Variants in BRD2 observed in about 807,000 individuals in gnomAD.
BRD2 encodes the protein bromodomain containing 2.
Under a neutral mutation model 79.1 loss-of-function variants are expected in BRD2, and 15 were observed. That is an observed-to-expected ratio of 0.19 (90% CI 0.13 to 0.29). The LOEUF is 0.29. BRD2 is among the 10% of genes least tolerant of loss of function. The pLI is 1.00. For missense variants in BRD2, 1,053 were observed against 991.3 expected (o/e 1.06, Z -0.84); for synonymous variants, 488 against 358.6 (o/e 1.36, Z -4.08).
intron 8 of BRD2, 50 bp from the exon 9 acceptor site, chr6:32,977,707 A>ATG: frequency 6.2e-7 from 1 of 1,609,514 alleles, no homozygotes; most frequent in Non-Finnish European, 8.5e-7. Flanking sequence ...GTGGCTGGGT[A>ATG]TGTAGGGCAC....
At position 32,980,837 on chromosome 6, in the gene BRD2, C is replaced by T. The variant is rs1029538785; in HGVS notation, c.*119C>T. 2.4e-6 allele frequency: 3 copies of T among 1,252,926 alleles called. No homozygotes were observed. Among genetic ancestry groups the T allele is most frequent in the African/African-American group, 3.0e-5 (2 of 66,894 alleles). The allele number at this position is 1,252,926 out of a possible 1,614,324, so 77.6% of individuals were successfully genotyped here. The stretch of plus-strand genomic sequence containing the variant: ...CTTCATCTCACCCCCCCCCGCCCCC[C>T]TCTAGGAGAGCTGGCTCTGCAGTGG... On this transcript the variant is annotated 3_prime_UTR_variant, in exon 13 of 13. Coordinates refer to ENST00000374825, the MANE Select transcript of BRD2 (RefSeq NM_005104.4).
chr6:32,980,442 T>C lies in BRD2; in HGVS notation c.2247T>C (p.Ser749=), dbSNP rs774660591. ...AAGATGTCAGCGGACAGCTCAATTC[T>C]ACTAAAAAGCCCCCCAAGAAAGGTG... ...RLQDVSGQLN[S]TKKPPKKANE... is the part of the protein sequence containing the mutation. Residue 749 remains serine, a synonymous_variant, in exon 12 of 13, where the codon TCT becomes TCC. Coordinates refer to ENST00000374825, the MANE Select transcript of BRD2 (RefSeq NM_005104.4). 5.6e-6 allele frequency: 9 copies of C among 1,612,964 alleles called. No individual in the cohort carries two copies. Among genetic ancestry groups the C allele is most frequent in the Non-Finnish European group, 7.6e-6 (9 of 1,180,038 alleles).
intron 6 of BRD2, 30 bp from the exon 7 acceptor site, chr6:32,976,532 A>G (rs1448715476): frequency 1.3e-6 from 2 of 1,593,290 alleles, no homozygotes; most frequent in South Asian, 1.1e-5. Flanking sequence ...GCTTGGAGTG[A>G]CAGGTTCCCT....
At position 32,980,730 on chromosome 6, in the gene BRD2, A is replaced by C. The variant is rs973448897; in HGVS notation, c.*12A>C. ...CAGACTCAGGCTAAGGGGTCAGGCC[A>C]GATGGGGCAGGAAGGCTCCGCAGGA... On this transcript the variant is annotated 3_prime_UTR_variant, in exon 13 of 13. Coordinates refer to ENST00000374825, the MANE Select transcript of BRD2 (RefSeq NM_005104.4). The C allele has an allele frequency of 2.5e-6, 4 of 1,612,166 alleles. No homozygotes were observed. The African/African-American group carries it at 4.0e-5, about 16-fold the overall frequency.
At position 32,974,603 on chromosome 6, in the gene BRD2, C is replaced by A. The variant is rs767109720; in HGVS notation, c.171C>A (p.Thr57=). 1.9e-6 allele frequency: 3 copies of A among 1,614,196 alleles called. No individual in the cohort carries two copies. The highest frequency in any genetic ancestry group is 2.5e-6 in the Non-Finnish European group (3 of 1,180,032). Residue 57 remains threonine, a synonymous_variant, in exon 3 of 13, where the codon ACC becomes ACA. Transcript: ENST00000374825. ...CTTCGGTGCCTGCTTTGCAACTTAC[C>A]CCTGCCAACCCACCACCCCCGGAGG... ...TMASVPALQL[T]PANPPPPEVS... is the part of the protein sequence containing the mutation.
rs867670966 is a variant in BRD2, at chr6:32,978,020, T to C, written c.1578+15T>C. The C allele has an allele frequency of 8.7e-6, 14 of 1,607,274 alleles. 1 individual carries two copies. The Middle Eastern group carries it at 1.7e-3, about 190-fold the overall frequency. On this transcript the variant is annotated intron_variant, in intron 9 of 12. Transcript: ENST00000374825. Reference sequence around the variant, plus strand: ...TACAGGAACAGGTATTTTGTCACTCTTGAAAGTTTTTATTGGGTAAGAGGT... The same window carrying C: ...TACAGGAACAGGTATTTTGTCACTCCTGAAAGTTTTTATTGGGTAAGAGGT...
chr6:32,977,366 C>A, intron 7 of BRD2, 76 bp from the exon 8 acceptor site: 2 of 1,611,430 alleles, frequency 1.2e-6, no homozygotes, highest in East Asian at 4.5e-5. Flanking sequence ...GAGGGCTCTT[C>A]TTGTGGTGTC....
intron 1 of BRD2, chr6:32,970,624 A>C (rs999621283): frequency 3.3e-5 from 5 of 151,948 alleles, no homozygotes; most frequent in Non-Finnish European, 7.4e-5. Flanking sequence ...GAAACGGGGG[A>C]GGGGACGCCC....
At position 32,981,018 on chromosome 6, in the gene BRD2, C is replaced by G. The variant is rs1017862573; in HGVS notation, c.*300C>G. The G allele has an allele frequency of 7.2e-6, 3 of 416,192 alleles. No homozygotes were observed. Among genetic ancestry groups the G allele is most frequent in the Non-Finnish European group, 1.3e-5 (3 of 224,540 alleles). The allele number at this position is 416,192 out of a possible 1,614,324, so 25.8% of individuals were successfully genotyped here. On this transcript the variant is annotated 3_prime_UTR_variant, in exon 13 of 13. Transcript: ENST00000374825. ...GTGCAAAGCCCTGATCTGGAGTTAC[C>G]TGAGGCCACAGCTGCCCTATTCACT...
In BRD2 at chr6:32,979,870, T is replaced by C; in HGVS notation, c.1884T>C (p.Pro628=). 1 of 1,612,998 alleles carries C rather than the reference T, an allele frequency of 6.2e-7. No individual in the cohort carries two copies. The highest frequency in any genetic ancestry group is 8.5e-7 in the Non-Finnish European group (1 of 1,179,964). The change falls in exon 11 of 13, where the codon CCT becomes CCC. Residue 628 remains proline, a synonymous_variant. Coordinates refer to ENST00000374825, the MANE Select transcript of BRD2 (RefSeq NM_005104.4). ...CAAAGACAGCCCCACCTGCCCTGCC[T>C]ACAGGTTATGATTCAGAGGAGGAGG... is the stretch of plus-strand genomic sequence containing the variant. ...KATKTAPPAL[P]TGYDSEEEEE...
rs745565457 is a variant in BRD2, at chr6:32,976,552, C to T, written c.826-10C>T. 1.9e-6 allele frequency: 3 copies of T among 1,591,158 alleles called. No individual in the cohort carries two copies. Among genetic ancestry groups the T allele is most frequent in the East Asian group, 4.5e-5 (2 of 44,562 alleles). On this transcript the variant is annotated splice_polypyrimidine_tract_variant and intron_variant, in intron 6 of 12. Transcript: ENST00000374825. The stretch of plus-strand genomic sequence containing the variant: ...GAGTGACAGGTTCCCTATCTTGTTT[C>T]TTTCTGCAGAAAAAAGGCGTAAAGC...
In BRD2 at chr6:32,974,608, C is replaced by T. The variant is rs1204585250; in HGVS notation, c.176C>T (p.Ala59Val). ...GTGCCTGCTTTGCAACTTACCCCTG[C>T]CAACCCACCACCCCCGGAGGTGTCC... is the stretch of plus-strand genomic sequence containing the variant. The part of the protein sequence containing the change: ...ASVPALQLTP[A>V]NPPPPEVSNP... Residue 59 changes from alanine (A) to valine (V), a missense_variant, in exon 3 of 13, where the codon GCC becomes GTC. Ala to Val is a moderately conservative substitution (Grantham distance 64, BLOSUM62 0). This residue lies in a region of BRD2 where 413 missense variants were observed against 335.1 expected (regional missense o/e 1.23). Coordinates refer to ENST00000374825, the MANE Select transcript of BRD2 (RefSeq NM_005104.4). The T allele has an allele frequency of 5.6e-6, 9 of 1,614,228 alleles. No homozygotes were observed. Among genetic ancestry groups the T allele is most frequent in the Non-Finnish European group, 7.6e-6 (9 of 1,180,040 alleles).
chr6:32,972,383 C>G lies in BRD2; in HGVS notation c.-516C>G, dbSNP rs1030084474. ...AGACCCCCTAGAAGCCCCTGGAGCT[C>G]CCCTTTTTCGGGCCCCGCCCAATCC... On this transcript the variant is annotated 5_prime_UTR_variant, in exon 2 of 13. Coordinates refer to ENST00000374825, the MANE Select transcript of BRD2 (RefSeq NM_005104.4). 1 of 297,382 alleles carries G rather than the reference C, an allele frequency of 3.4e-6. No individual in the cohort carries two copies. The highest frequency in any genetic ancestry group is 2.2e-5 in the African/African-American group (1 of 44,634). The allele number at this position is 297,382 out of a possible 1,614,324, so 18.4% of individuals were successfully genotyped here.
In BRD2 at chr6:32,977,474, A is replaced by C. The variant is rs756402967; in HGVS notation, c.1233A>C (p.Ala411=). The C allele has an allele frequency of 1.2e-6, 2 of 1,613,900 alleles. No homozygotes were observed. The highest frequency in any genetic ancestry group is 1.3e-5 in the African/African-American group (1 of 74,928). Residue 411 remains alanine (A), a synonymous_variant, in exon 8 of 13, where the codon GCA becomes GCC. Transcript: ENST00000374825. The part of the protein sequence containing the change: ...RKMENRDYRD[A]QEFAADVRLM... Reference sequence around the variant, plus strand: ...TGGAGAACCGTGATTACCGGGATGCACAGGAGTTTGCTGCTGATGTACGGC... The same window carrying C: ...TGGAGAACCGTGATTACCGGGATGCCCAGGAGTTTGCTGCTGATGTACGGC...
intron 3 of BRD2, chr6:32,975,163 A>T (rs1412171748): frequency 1.4e-6 from 2 of 1,445,476 alleles, no homozygotes; most frequent in Non-Finnish European, 1.9e-6. Flanking sequence ...GTGGGTGGTT[A>T]GAGAAAGGCA....
At position 32,972,923 on chromosome 6, in the gene BRD2, A is replaced by G. The variant is rs775207207; in HGVS notation, c.25A>G (p.Asn9Asp). The G allele has an allele frequency of 5.0e-6, 8 of 1,614,036 alleles. No homozygotes were observed. The highest frequency in any genetic ancestry group is 3.3e-5 in the South Asian group (3 of 91,088). MLQNVTPH[N>D]KLPGEGNAGL... is the part of the protein sequence containing the mutation. ...GATGCTGCAAAACGTGACTCCCCAC[A>G]ATAAGTACGTTTCCGCGAGCCGCGT... Residue 9 changes from asparagine to aspartate, a missense_variant, in exon 2 of 13, where the codon AAT (asparagine) becomes GAT (aspartate). Physicochemically the swap from Asn to Asp is conservative, Grantham distance 23. Coordinates refer to ENST00000374825, the MANE Select transcript of BRD2 (RefSeq NM_005104.4).
In BRD2 at chr6:32,978,402, G is replaced by A. The variant is rs756616613; in HGVS notation, c.1841+14G>A. 6 of 1,607,572 alleles carry A rather than the reference G, an allele frequency of 3.7e-6. No homozygotes were observed. Among genetic ancestry groups the A allele is most frequent in the Non-Finnish European group, 5.1e-6 (6 of 1,177,572 alleles). ...AAGTGGCACCAAGTGAGTTAGAGTA[G>A]GAAGCAGAGACTAGTTTGGCTATTT... On this transcript the variant is annotated intron_variant, in intron 10 of 12. Coordinates refer to ENST00000374825, the MANE Select transcript of BRD2 (RefSeq NM_005104.4).
Position 32,980,831 on chromosome 6 carries a change from G to A in BRD2, c.*113G>A, listed in dbSNP as rs201992712. The A allele has an allele frequency of 6.8e-6, 8 of 1,184,894 alleles. No individual in the cohort carries two copies. The highest frequency in any genetic ancestry group is 1.4e-5 in the South Asian group (1 of 72,282). The allele number at this position is 1,184,894 out of a possible 1,614,324, so 73.4% of individuals were successfully genotyped here. A position where few individuals can be genotyped will look rare whatever the true frequency, so the allele number is the denominator to read the frequency against. On this transcript the variant is annotated 3_prime_UTR_variant, in exon 13 of 13. Transcript: ENST00000374825. ...ACACTTCTTCATCTCACCCCCCCCC[G>A]CCCCCCTCTAGGAGAGCTGGCTCTG...
rs1206257926 is a variant in BRD2 at position 32,976,128 on chromosome 6, C to A, written c.569C>A (p.Thr190Asn). ...CAAGAAGAACAAGAGCTGGTAGTGA[C>A]CATCCCTAAGAACAGCCACAAGAAG... ...MPQEEQELVV[T>N]IPKNSHKKGA... Residue 190 changes from threonine (T) to asparagine (N), a missense_variant, in exon 5 of 13, where the codon ACC becomes AAC. By Grantham distance (65) the Thr-to-Asn change is moderately conservative (BLOSUM62 0). Transcript: ENST00000374825. 3 of 1,612,762 alleles carry A rather than the reference C, an allele frequency of 1.9e-6. No individual in the cohort carries two copies. In the African/African-American group the frequency reaches 4.0e-5, roughly 22 times the overall value.
Sources: allele counts gnomAD v4.1 joint callset, GRCh38; gene constraint gnomAD v4.1.1; regional missense constraint gnomAD v4.1.1; transcripts MANE v1.5; gene names NCBI Gene and HGNC (gene_info 2026-07-23, HGNC 2026-07-21).